HSPG2: variants seen among roughly 807,000 people sequenced by gnomAD.
HSPG2 encodes the protein heparan sulfate proteoglycan 2, also known as basement membrane-specific heparan sulfate proteoglycan core protein.
In HSPG2, 278 loss-of-function variants were observed where a neutral mutation model predicts 526.6. The ratio of observed to expected loss-of-function variants is 0.53; its 90% confidence interval spans 0.48 to 0.58. HSPG2 has a LOEUF of 0.58. Ranked by LOEUF, HSPG2 falls within the 20% of genes least tolerant of loss-of-function variation. The pLI is 0.00. For missense variants in HSPG2, 5,354 were observed against 6,099.5 expected (o/e 0.88, Z 4.07); for synonymous variants, 2,465 against 2,555.4 (o/e 0.96, Z 1.07).
chr1:21,902,012 G>A (rs1643126022), intron 1 of HSPG2, among the ~76,000 whole-genome samples: 1 of 152,174 alleles, frequency 6.6e-6, no homozygotes, highest in South Asian at 2.1e-4. Context: ...TCCCCTACTC[G>A]GCTGCAACCC....
chr1:21,937,169 C>T lies in HSPG2; in HGVS notation c.49G>A (p.Gly17Arg). The T allele has an allele frequency of 9.2e-7, 1 of 1,083,800 alleles. No homozygotes were observed. The highest frequency in any genetic ancestry group is 1.7e-5 in the African/African-American group (1 of 58,648). 67.1% of individuals were successfully genotyped at this position (1,083,800 alleles called of 1,614,324 possible). ...CGCACACTCACCGCCAGCAGCCGCC[C>T]GTGCAGCAGCAGCGCCAGCAGCAGC... Reference protein sequence around the residue: ...GALLLALLLHGRLLAVTHGLR... With the variant: ...GALLLALLLHRRLLAVTHGLR... The change falls in exon 1 of 97, where the codon GGG becomes AGG. Residue 17 changes from glycine (G) to arginine (R), a missense_variant. Coordinates refer to ENST00000374695, the MANE Select transcript of HSPG2 (RefSeq NM_005529.7).
At position 21,861,757 on chromosome 1, in the gene HSPG2, T is replaced by C. The variant is rs1387276790; in HGVS notation, c.4955A>G (p.Gln1652Arg). The C allele has an allele frequency of 6.2e-7, 1 of 1,613,890 alleles. No individual in the cohort carries two copies. Among genetic ancestry groups the C allele is most frequent in the Non-Finnish European group, 8.5e-7 (1 of 1,179,930 alleles). Residue 1652 changes from glutamine (Q) to arginine (R), a missense_variant and splice_region_variant, in exon 39 of 97, where the codon CAG becomes CGG. Gln to Arg is a conservative substitution (Grantham distance 43). Transcript: ENST00000374695. Reference sequence around the variant, plus strand: ...CCCCTACTTCTGTTTACAAACTTACTGCTCACAGTACTGGCCAGTGTAGCC... The same window carrying C: ...CCCCTACTTCTGTTTACAAACTTACCGCTCACAGTACTGGCCAGTGTAGCC... ...EPGYTGQYCEQCGPGYVGNPS... is the reference protein window; with the variant it reads ...EPGYTGQYCERCGPGYVGNPS...
At chr1:21,902,298 G>A (rs1019475043) in intron 1 of HSPG2, among the ~76,000 whole-genome samples, 32 of 152,148 alleles carry the variant, frequency 2.1e-4, no homozygotes, top group African/African-American at 7.0e-4. Context: ...TCTCACACAG[G>A]GGCCCCCAAG....
In HSPG2 at chr1:21,852,650, G is replaced by A. The variant is rs72866974; in HGVS notation, c.6724+50C>T. ...GGGGTCCCTTGGATCTCACCACCCC[G>A]GAGGCCTCTCTGCCTCCTCCAGCTT... On this transcript the variant is annotated intron_variant, in intron 52 of 96. Transcript: ENST00000374695. 6.3e-4 allele frequency: 1,018 copies of A among 1,611,170 alleles called. 4 individuals carry two copies. In the African/African-American group the frequency reaches 0.01, roughly 16 times the overall value.
At chr1:21,876,792 C>G in intron 21 of HSPG2, 140 bp from the exon 22 acceptor site, 1 of 1,131,032 alleles carries the variant, frequency 8.8e-7, no homozygotes, top group Non-Finnish European at 1.3e-6. Context: ...GGCGCGGTGG[C>G]TCACGCCTGT....
chr1:21,864,182 C>T lies in HSPG2; in HGVS notation c.4658G>A (p.Ser1553Asn). 6.4e-7 allele frequency: 1 copy of T among 1,554,056 alleles called. No homozygotes were observed. The highest frequency in any genetic ancestry group is 8.7e-7 in the Non-Finnish European group (1 of 1,148,678). ...CTCGCAGTGGCCGAGGTAGAGCCCACTCCCGGTGCGCGTGTAGCCGGGGGC... is the reference window on the plus strand; with the variant it reads ...CTCGCAGTGGCCGAGGTAGAGCCCATTCCCGGTGCGCGTGTAGCCGGGGGC... ...DCAPGYTRTG[S>N]GLYLGHCELC... is the part of the protein sequence containing the mutation. The change falls in exon 37 of 97, where the codon AGT becomes AAT. Residue 1553 changes from serine to asparagine, a missense_variant. Transcript: ENST00000374695. This position sits in a 1 kb window ranked among gnomAD's most constrained non-coding sequence, Gnocchi z 4.8.
chr1:21,878,736 C>T, intron 18 of HSPG2, 73 bp from the exon 19 acceptor site: 2 of 1,402,814 alleles, frequency 1.4e-6, no homozygotes, highest in South Asian at 2.3e-5. Context: ...TGGGAAATGA[C>T]TGCTGTCTAC....
At chr1:21,920,570 C>T (rs912621050) in intron 1 of HSPG2, among the ~76,000 whole-genome samples, 1 of 152,220 alleles carries the variant, frequency 6.6e-6, no homozygotes, top group Non-Finnish European at 1.5e-5. Context: ...CTGCTCTTTT[C>T]CAGGCTGCAG....
chr1:21,859,440 G>T lies in HSPG2; in HGVS notation c.5293+126C>A. 1 of 743,136 alleles carries T rather than the reference G, an allele frequency of 1.3e-6. No homozygotes were observed. The allele number at this position is 743,136 out of a possible 1,614,324, so 46.0% of individuals were successfully genotyped here. The stretch of plus-strand genomic sequence containing the variant: ...TCTGCCACCTCTCCTCATCTCCATG[G>T]CTGCTGACCTTGTTCGGGCAACCAC... On this transcript the variant is annotated intron_variant, in intron 42 of 96. Coordinates refer to ENST00000374695, the MANE Select transcript of HSPG2 (RefSeq NM_005529.7). This position sits in a 1 kb window ranked among gnomAD's most constrained non-coding sequence, Gnocchi z 5.3.
Position 21,890,383 on chromosome 1 carries a change from A to T in HSPG2, c.413+44T>A. 1 of 1,583,074 alleles carries T rather than the reference A, an allele frequency of 6.3e-7. No individual in the cohort carries two copies. The highest frequency in any genetic ancestry group is 8.7e-7 in the Non-Finnish European group (1 of 1,152,226). ...CATCCTCATCAGCCCCCTCCAGGTTACCCGCTCAAGTCCCCCAGCAGCCCC... is the reference window on the plus strand; with the variant it reads ...CATCCTCATCAGCCCCCTCCAGGTTTCCCGCTCAAGTCCCCCAGCAGCCCC... On this transcript the variant is annotated intron_variant, in intron 5 of 96. Transcript: ENST00000374695. This position sits in a 1 kb window ranked among gnomAD's most constrained non-coding sequence, Gnocchi z 4.1.
rs568938855 is a variant in HSPG2, at chr1:21,900,241, C to CA, written c.64-3932dup. Reference sequence around the variant, plus strand: ...AGAGAGGGGGATTTTCCAGACCCTGCAGTTCCTGGTTTGGCGGTGTGCAGG... The same window carrying CA: ...AGAGAGGGGGATTTTCCAGACCCTGCAAGTTCCTGGTTTGGCGGTGTGCAGG... On this transcript the variant is annotated intron_variant, in intron 1 of 96. Coordinates refer to ENST00000374695, the MANE Select transcript of HSPG2 (RefSeq NM_005529.7). Among the ~76,000 whole-genome samples, 21 of 152,314 alleles carry CA rather than the reference C, an allele frequency of 1.4e-4. No individual in the cohort carries two copies. In the South Asian group the frequency reaches 1.7e-3, roughly 12 times the overall value.
At chr1:21,919,878 A>C (rs1643986347) in intron 1 of HSPG2, among the ~76,000 whole-genome samples, 1 of 152,122 alleles carries the variant, frequency 6.6e-6, no homozygotes, top group African/African-American at 2.4e-5. Context: ...TTGTGATTTG[A>C]TCTATAAGAA....
chr1:21,873,142 C>T lies in HSPG2; in HGVS notation c.3794-51G>A, dbSNP rs920684449. 3.5e-6 allele frequency: 5 copies of T among 1,442,648 alleles called. No individual in the cohort carries two copies. The African/African-American group carries it at 5.6e-5, about 16-fold the overall frequency. 89.4% of individuals were successfully genotyped at this position (1,442,648 alleles called of 1,614,324 possible). A position where few individuals can be genotyped will look rare whatever the true frequency, so the allele number is the denominator to read the frequency against. On this transcript the variant is annotated intron_variant, in intron 30 of 96. Coordinates refer to ENST00000374695, the MANE Select transcript of HSPG2 (RefSeq NM_005529.7). ...GAGCCCCAAACCCGCCACCCAGCAC[C>T]CCTCTTCCCTCCACTCTGCTCACCA...
chr1:21,933,324 A>G (rs1400904634), intron 1 of HSPG2, among the ~76,000 whole-genome samples: 1 of 152,132 alleles, frequency 6.6e-6, no homozygotes, highest in Non-Finnish European at 1.5e-5. Flanking sequence ...CTCGTAGGCT[A>G]TATTAAGTCA....
chr1:21,880,036 T>G (rs1307677472), intron 17 of HSPG2, 71 bp downstream of exon 17: 3 of 1,566,642 alleles, frequency 1.9e-6, no homozygotes, highest in Non-Finnish European at 2.6e-6. Flanking sequence ...GCTGAGCTCA[T>G]GAACACAGGG....
In HSPG2 at chr1:21,824,578, G is replaced by T. The variant is rs747755797; in HGVS notation, c.12703C>A (p.Arg4235=). The change falls in exon 93 of 97, where the codon CGG becomes AGG. Residue 4235 remains arginine, a synonymous_variant. Coordinates refer to ENST00000374695, the MANE Select transcript of HSPG2 (RefSeq NM_005529.7). The surrounding 1 kb of genome is among the most constrained non-coding windows in gnomAD (Gnocchi z 5.9). ...AGGAGGCCACTGGCTGTGCTGGTCC[G>T]AACCTCCAGCTCGATGGTCTCGGGC... is the stretch of plus-strand genomic sequence containing the variant. ...EVPETIELEV[R]TSTASGLLLW... The T allele has an allele frequency of 4.3e-6, 7 of 1,613,954 alleles. No individual in the cohort carries two copies. The highest frequency in any genetic ancestry group is 4.2e-6 in the Non-Finnish European group (5 of 1,180,024).
intron 91 of HSPG2, chr1:21,825,230 T>C: frequency 4.9e-6 from 1 of 205,504 alleles, no homozygotes; most frequent in East Asian, 1.1e-4. Context: ...TTAAAACATG[T>C]TTTGATTACT....
At position 21,874,646 on chromosome 1, in the gene HSPG2, C is replaced by T; in HGVS notation, c.3498G>A (p.Glu1166=). The change falls in exon 27 of 97, where the codon GAG becomes GAA. Residue 1166 remains glutamate (E), a synonymous_variant. Transcript: ENST00000374695. ...AGGCACCTGTTTCTGGCTCGCAGGC[C>T]TCTGAGTGGCCATGGCAGCTGCAGC... ...CERCSCHGHS[E]ACEPETGACQ... 1 of 1,613,656 alleles carries T rather than the reference C, an allele frequency of 6.2e-7. No homozygotes were observed. The highest frequency in any genetic ancestry group is 8.5e-7 in the Non-Finnish European group (1 of 1,179,816).
chr1:21,822,544 G>A lies in HSPG2; in HGVS notation c.*772C>T. On this transcript the variant is annotated 3_prime_UTR_variant, in exon 97 of 97. Transcript: ENST00000374695. ...CCTGGGCCTTCACTTCCAGATGGGT[G>A]GGGATGTGGCCTGGGGTGGGCGGGG... 2.6e-6 allele frequency: 1 copy of A among 380,320 alleles called. No individual in the cohort carries two copies. Among genetic ancestry groups the A allele is most frequent in the South Asian group, 2.8e-5 (1 of 35,178 alleles). The allele number at this position is 380,320 out of a possible 1,614,324, so 23.6% of individuals were successfully genotyped here.
Sources: allele counts gnomAD v4.1 joint callset (sites outside exome capture counted in the v4.1 genomes callset), GRCh38; gene constraint gnomAD v4.1.1; non-coding constraint Gnocchi (gnomAD v3.1); transcripts MANE v1.5; gene names NCBI Gene and HGNC (gene_info 2026-07-23, HGNC 2026-07-21).